The following OSBPL8 variants were observed in gnomAD, a reference collection of about 807,000 sequenced individuals.
OSBPL8 encodes oxysterol-binding protein-related protein 8.
OSBPL8 carries 59 observed loss-of-function variants against 125.5 expected under a neutral mutation model. The ratio of observed to expected loss-of-function variants is 0.47; its 90% confidence interval spans 0.38 to 0.58. The LOEUF (loss-of-function observed/expected upper bound fraction) is 0.58, where lower values mean the gene tolerates loss of function less well. Among genes scored for constraint, OSBPL8 ranks in the 20% least tolerant of loss-of-function variants. OSBPL8 has a pLI of 0.00. For synonymous variants in OSBPL8, 330 were observed against 338.9 expected (o/e 0.97, Z 0.29); for missense variants, 758 against 1,047.8 (o/e 0.72, Z 3.82).
chr12:76,439,832 T>G (rs1280202722), intron 4 of OSBPL8, among the ~76,000 whole-genome samples: 1 of 152,278 alleles, frequency 6.6e-6, no homozygotes, highest in South Asian at 2.1e-4. Flanking sequence ...TTTAGTTGTG[T>G]CCCCTTTCAT....
intron 4 of OSBPL8, among the ~76,000 whole-genome samples, chr12:76,429,272 C>A (rs1159130980): frequency 1.3e-5 from 2 of 151,130 alleles, no homozygotes; most frequent in African/African-American, 4.9e-5. Flanking sequence ...ATAAAAAGTT[C>A]TTTATAATTT....
intron 2 of OSBPL8, among the ~76,000 whole-genome samples, chr12:76,477,922 G>A (rs1030487524): frequency 7.2e-5 from 11 of 152,016 alleles, no homozygotes; most frequent in Non-Finnish European, 1.5e-4. Flanking sequence ...AAGAATTCAT[G>A]GCCGGGCATG....
intron 1 of OSBPL8, among the ~76,000 whole-genome samples, chr12:76,541,557 T>A (rs1950645533): frequency 6.6e-6 from 1 of 151,966 alleles, no homozygotes; most frequent in Non-Finnish European, 1.5e-5. Context: ...TTTTACCACA[T>A]TAAAAATAGG....
chr12:76,451,506 G>A (rs1479130855), intron 3 of OSBPL8, among the ~76,000 whole-genome samples: 1 of 152,186 alleles, frequency 6.6e-6, no homozygotes. Context: ...CTGTTTTAGA[G>A]AGGAGGAAAC....
At chr12:76,416,877 A>G (rs1167772605) in intron 4 of OSBPL8, among the ~76,000 whole-genome samples, 1 of 152,086 alleles carries the variant, frequency 6.6e-6, no homozygotes, top group African/African-American at 2.4e-5. Flanking sequence ...CTTGTCTTCT[A>G]TTTATTATAA....
At chr12:76,472,504 G>A (rs201413137) in intron 2 of OSBPL8, among the ~76,000 whole-genome samples, 26 of 152,104 alleles carry the variant, frequency 1.7e-4, no homozygotes, top group Non-Finnish European at 3.1e-4. Flanking sequence ...ACCAAGACGC[G>A]GAGACTGGTA....
At position 76,439,766 on chromosome 12, in the gene OSBPL8, T is replaced by C. The variant is rs567372994; in HGVS notation, c.217+11085A>G. ...GAAATCTGTTCATTTCATTAAGTTTTTGAAATTTATTGGCTTACAGTTGTT... is the reference window on the plus strand; with the variant it reads ...GAAATCTGTTCATTTCATTAAGTTTCTGAAATTTATTGGCTTACAGTTGTT... On this transcript the variant is annotated intron_variant, in intron 4 of 23. Transcript: ENST00000261183. Among the ~76,000 whole-genome samples the C allele has an allele frequency of 3.9e-5, 6 of 152,330 alleles. No individual in the cohort carries two copies. The South Asian group carries it at 1.0e-3, about 26-fold the overall frequency.
chr12:76,435,574 G>A (rs1424010283), intron 4 of OSBPL8, among the ~76,000 whole-genome samples: 2 of 152,114 alleles, frequency 1.3e-5, no homozygotes, highest in African/African-American at 4.8e-5. Flanking sequence ...TAATGGTGAG[G>A]TGATAGAAAT....
chr12:76,451,106 C>A, intron 3 of OSBPL8, 118 bp from the exon 4 acceptor site: 1 of 1,066,338 alleles, frequency 9.4e-7, no homozygotes, highest in Non-Finnish European at 1.3e-6. Flanking sequence ...ATTCATTTTA[C>A]CAACTCAATA....
chr12:76,358,780 G>T lies in OSBPL8; in HGVS notation c.2360C>A (p.Thr787Asn), dbSNP rs1186272117. The T allele has an allele frequency of 3.7e-6, 6 of 1,613,978 alleles. No individual in the cohort carries two copies. Among genetic ancestry groups the T allele is most frequent in the Non-Finnish European group, 5.1e-6 (6 of 1,179,972 alleles). Residue 787 changes from threonine to asparagine, a missense_variant, in exon 22 of 24, where the codon ACC becomes AAC. This residue lies in a region of OSBPL8 where 572 missense variants were observed against 762.0 expected (regional missense o/e 0.75). Transcript: ENST00000261183. ...VSVPKMKHKP[T>N]RQQKKVAKGY... is the part of the protein sequence containing the mutation. ...TTTTGCTACTTTCTTCTGTTGCCTG[G>T]TTGGCTTATGTTTCATTTTGGGGAC...
intron 16 of OSBPL8, among the ~76,000 whole-genome samples, chr12:76,378,137 C>CA (rs1952900498): frequency 6.6e-6 from 1 of 152,076 alleles, no homozygotes; most frequent in African/African-American, 2.4e-5. Context: ...ATCATCTTTA[C>CA]AGATTCTGAA....
chr12:76,382,029 G>A lies in OSBPL8; in HGVS notation c.1630+2225C>T, dbSNP rs556635991. On this transcript the variant is annotated intron_variant, in intron 15 of 23. Coordinates refer to ENST00000261183, the MANE Select transcript of OSBPL8 (RefSeq NM_020841.5). ...GGATTACATGCCTGAGCCACCATGC[G>A]CGGCCTACTTTCCATTTACTTTCAG... is the stretch of plus-strand genomic sequence containing the variant. 1.5e-4 allele frequency among the ~76,000 whole-genome samples: 22 copies of A among 151,724 alleles called. No homozygotes were observed. In the South Asian group the frequency reaches 2.7e-3, roughly 19 times the overall value.
intron 1 of OSBPL8, among the ~76,000 whole-genome samples, chr12:76,526,744 G>A (rs955892332): frequency 4.2e-5 from 6 of 141,840 alleles, no homozygotes; most frequent in African/African-American, 5.2e-5. Context: ...TCCGCCTCCC[G>A]GGTTCCAGCA....
Position 76,487,021 on chromosome 12 carries a change from ATTTTTTTTTTTTTTTT to A in OSBPL8, c.42+473_42+488del, listed in dbSNP as rs63178360. On this transcript the variant is annotated intron_variant, in intron 2 of 23. Transcript: ENST00000261183. ...AAACTTTAAGCTATTTGCAATTTTC[ATTTTTTTTTTTTTTTT>A]TTTTTTTTTAGAGACCGAGTCTGAC... Among the ~76,000 whole-genome samples the A allele has an allele frequency of 4.1e-3, 421 of 101,912 alleles. 2 individuals are homozygous for A. The highest frequency in any genetic ancestry group is 0.015 in the African/African-American group (372 of 25,494). 66.9% of individuals were successfully genotyped at this position (101,912 alleles called of 152,430 possible).
At chr12:76,416,667 T>A (rs1868709918) in intron 4 of OSBPL8, among the ~76,000 whole-genome samples, 1 of 152,086 alleles carries the variant, frequency 6.6e-6, no homozygotes, top group African/African-American at 2.4e-5. Context: ...TTGCTTTTTA[T>A]CCCTAGTCCT....
intron 1 of OSBPL8, among the ~76,000 whole-genome samples, chr12:76,557,143 T>G (rs756636843): frequency 6.6e-6 from 1 of 152,192 alleles, no homozygotes; most frequent in Non-Finnish European, 1.5e-5. Flanking sequence ...GCATTGTTAT[T>G]AGGATAATAT....
chr12:76,514,107 CCT>C (rs1881288499), intron 1 of OSBPL8, among the ~76,000 whole-genome samples: 1 of 151,954 alleles, frequency 6.6e-6, no homozygotes, highest in Admixed American at 6.6e-5. Flanking sequence ...GTAAGGCAGG[CCT>C]GGTGGTTAAC....
chr12:76,374,228 A>G (rs192385657), intron 17 of OSBPL8, among the ~76,000 whole-genome samples: 1 of 152,166 alleles, frequency 6.6e-6, no homozygotes, highest in Non-Finnish European at 1.5e-5. Context: ...TTGTTCAAGA[A>G]CAATTAATTC....
chr12:76,478,938 A>G (rs1388795890), intron 2 of OSBPL8, among the ~76,000 whole-genome samples: 3 of 152,106 alleles, frequency 2.0e-5, no homozygotes, highest in Non-Finnish European at 4.4e-5. Context: ...ACAAAAAATT[A>G]GCCGGGTGTG....
Sources: allele counts gnomAD v4.1 joint callset (sites outside exome capture counted in the v4.1 genomes callset), GRCh38; gene constraint gnomAD v4.1.1; regional missense constraint gnomAD v4.1.1; transcripts MANE v1.5; gene names NCBI Gene and HGNC (gene_info 2026-07-23, HGNC 2026-07-21).